The following PPARGC1A variants were observed in gnomAD, a reference collection of about 807,000 sequenced individuals.
PPARGC1A encodes the protein PPARG coactivator 1 alpha, also known as peroxisome proliferator-activated receptor gamma coactivator 1-alpha.
A neutral mutation model predicts 88.7 loss-of-function variants in PPARGC1A; 25 were observed. The ratio of observed to expected loss-of-function variants is 0.28; its 90% CI spans 0.21 to 0.39. The LOEUF (loss-of-function observed/expected upper bound fraction) is 0.39, where lower values mean the gene tolerates loss of function less well. Ranked by LOEUF, PPARGC1A falls within the 10% of genes least tolerant of loss-of-function variation. PPARGC1A has a pLI of 1.00. For missense variants in PPARGC1A, 880 were observed against 968.7 expected (o/e 0.91, Z 1.22); for synonymous variants, 363 against 355.6 (o/e 1.02, Z -0.24).
chr4:24,392,801 G>A, the PPARGC1A span, among the ~76,000 whole-genome samples: 4 of 151,976 alleles, frequency 2.6e-5, no homozygotes, highest in African/African-American at 7.3e-5. Flanking sequence ...GCCTCAGCGC[G>A]CACAGGCTGA....
the PPARGC1A span, among the ~76,000 whole-genome samples, chr4:23,985,468 ATTTTT>A: frequency 5.5e-4 from 80 of 144,362 alleles, no homozygotes; most frequent in African/African-American, 9.4e-4. Context: ...TATCTCTGCA[ATTTTT>A]TTTTTTTTTT....
chr4:24,037,048 C>T, the PPARGC1A span, among the ~76,000 whole-genome samples: 1 of 152,108 alleles, frequency 6.6e-6, no homozygotes, highest in African/African-American at 2.4e-5. Context: ...AATAAAGTTC[C>T]CATCCTGAAG....
chr4:24,218,831 A>G, the PPARGC1A span, among the ~76,000 whole-genome samples: 3 of 152,160 alleles, frequency 2.0e-5, no homozygotes, highest in Non-Finnish European at 4.4e-5. Context: ...GAAGATAACC[A>G]CATTTAGTCT....
chr4:24,387,768 GAAAGAAAGAA>G, the PPARGC1A span, among the ~76,000 whole-genome samples: 1,796 of 63,392 alleles, frequency 0.028, 70 homozygotes, highest in East Asian at 0.048. Context: ...GAGAGAGAGA[GAAAGAAAGAA>G]AGAAAGAAAG....
At chr4:24,279,247 A>G in the PPARGC1A span, among the ~76,000 whole-genome samples, 1 of 152,182 alleles carries the variant, frequency 6.6e-6, no homozygotes, top group African/African-American at 2.4e-5. Context: ...TTTTCCCGCT[A>G]CAAATATGTG....
the PPARGC1A span, among the ~76,000 whole-genome samples, chr4:23,924,915 T>C: frequency 6.6e-6 from 1 of 152,306 alleles, no homozygotes; most frequent in South Asian, 2.1e-4. Context: ...CTTTCTTTTA[T>C]AGAAGAGTGA....
chr4:24,169,335 T>C, the PPARGC1A span, among the ~76,000 whole-genome samples: 1 of 152,188 alleles, frequency 6.6e-6, no homozygotes, highest in African/African-American at 2.4e-5. Flanking sequence ...GGGTCCTGGA[T>C]GGGATCCCAG....
the PPARGC1A span, among the ~76,000 whole-genome samples, chr4:24,333,614 A>G: frequency 2.0e-5 from 3 of 152,200 alleles, no homozygotes; most frequent in Non-Finnish European, 4.4e-5. Flanking sequence ...TTTATAGTAT[A>G]GAGCCCAAAC....
the PPARGC1A span, among the ~76,000 whole-genome samples, chr4:23,974,714 G>T: frequency 6.7e-6 from 1 of 149,400 alleles, no homozygotes; most frequent in East Asian, 2.0e-4. Context: ...GTCACTGCAA[G>T]TTCCGCCCCC....
intron 2 of PPARGC1A, among the ~76,000 whole-genome samples, chr4:23,844,831 ATAATATATGATATATATTATT>A (rs1490242451): frequency 1.6e-5 from 2 of 126,116 alleles, no homozygotes; most frequent in African/African-American, 5.9e-5. Flanking sequence ...ATATATTATT[ATAATATATGATATATATTATT>A]ATAATATATG....
the PPARGC1A span, among the ~76,000 whole-genome samples, chr4:24,051,450 G>C: frequency 1.3e-5 from 2 of 152,046 alleles, no homozygotes; most frequent in Non-Finnish European, 2.9e-5. Flanking sequence ...TACACTAAAG[G>C]CTTTATCTTC....
At chr4:24,328,157 C>T in the PPARGC1A span, among the ~76,000 whole-genome samples, 2,059 of 152,174 alleles carry the variant, frequency 0.014, 18 homozygotes, top group Non-Finnish European at 0.02. Flanking sequence ...AAATAAACAG[C>T]CATGTTGCTA....
the PPARGC1A span, among the ~76,000 whole-genome samples, chr4:24,043,369 ATTGT>A: frequency 1.3e-5 from 2 of 152,162 alleles, no homozygotes. Context: ...GAAAGAAGAA[ATTGT>A]TTGAACTCTA....
the PPARGC1A span, among the ~76,000 whole-genome samples, chr4:24,384,217 A>G: frequency 6.6e-6 from 1 of 152,222 alleles, no homozygotes; most frequent in Admixed American, 6.5e-5. Context: ...CTGCCTTACA[A>G]GAGCTCATGA....
the PPARGC1A span, among the ~76,000 whole-genome samples, chr4:24,375,014 A>G: frequency 7.2e-4 from 39 of 54,188 alleles, no homozygotes; most frequent in African/African-American, 3.3e-3. Flanking sequence ...CCCCCACCCT[A>G]AAAAAAAAAA....
rs1717460403 is a variant in PPARGC1A at position 23,795,706 on chromosome 4, CAG to C, written c.*114_*115del. ...GTTGTTGTTTTGTTTTGTTTTTGTA[CAG>C]AGAGTGTAAAGTAGGAGAAATTCCT... On this transcript the variant is annotated 3_prime_UTR_variant, in exon 13 of 13. Coordinates refer to ENST00000264867, the MANE Select transcript of PPARGC1A (RefSeq NM_013261.5). 3 of 699,010 alleles carry C rather than the reference CAG, an allele frequency of 4.3e-6. No individual in the cohort carries two copies. Among genetic ancestry groups the C allele is most frequent in the Non-Finnish European group, 2.3e-6 (1 of 425,806 alleles). 43.3% of individuals were successfully genotyped at this position (699,010 alleles called of 1,614,324 possible). A position where few individuals can be genotyped will look rare whatever the true frequency, so the allele number is the denominator to read the frequency against.
the PPARGC1A span, among the ~76,000 whole-genome samples, chr4:24,229,506 C>T: frequency 6.6e-6 from 1 of 151,530 alleles, no homozygotes; most frequent in South Asian, 2.1e-4. Flanking sequence ...GGGTGAGACC[C>T]ACTGGTATAC....
intron 3 of PPARGC1A, among the ~76,000 whole-genome samples, chr4:23,830,852 T>A (rs1724867367): frequency 6.6e-6 from 1 of 152,214 alleles, no homozygotes; most frequent in Non-Finnish European, 1.5e-5. Flanking sequence ...TCCAACAAAT[T>A]CAGTCTTCAT....
the PPARGC1A span, among the ~76,000 whole-genome samples, chr4:24,377,914 T>A: frequency 6.6e-6 from 1 of 152,194 alleles, no homozygotes; most frequent in African/African-American, 2.4e-5. Context: ...TAGCTAACTC[T>A]CCAGGTCCAT....
Sources: gnomAD v4.1 joint callset for allele counts (sites outside exome capture counted in the v4.1 genomes callset) on GRCh38, gnomAD v4.1.1 for gene constraint, MANE v1.5 for transcripts, NCBI Gene and HGNC (gene_info 2026-07-23, HGNC 2026-07-21) for gene names.